Variants in TMEM244 observed in about 807,000 individuals in gnomAD.
TMEM244 encodes the protein putative transmembrane protein 244.
Under a neutral mutation model 15.8 loss-of-function variants are expected in TMEM244, and 13 were observed. That is an observed-to-expected ratio of 0.82 (90% confidence interval 0.53 to 1.30). TMEM244 has a LOEUF of 1.30. TMEM244 is among the 50% of genes most tolerant of loss of function. The probability of loss-of-function intolerance (pLI) is 0.00; values close to 1 mark genes in which losing one functional copy is unlikely to be tolerated. For missense variants in TMEM244, 161 were observed against 144.9 expected, an observed-to-expected ratio of 1.11 and a Z score of -0.57; for synonymous variants, 45 against 48.7, an observed-to-expected ratio of 0.92 and a Z score of 0.32.
At chr6:129,834,432 C>T (rs1776373938) in intron 3 of TMEM244, among the ~76,000 whole-genome samples, 1 of 151,926 alleles carries the variant, frequency 6.6e-6, no homozygotes, top group Non-Finnish European at 1.5e-5. Flanking sequence ...CCTCTTAAAA[C>T]ACAGAAAATA....
At chr6:129,853,995 A>C (rs1452588735) in intron 1 of TMEM244, among the ~76,000 whole-genome samples, 1 of 152,100 alleles carries the variant, frequency 6.6e-6, no homozygotes, top group Non-Finnish European at 1.5e-5. Flanking sequence ...TCAGCTCTTG[A>C]GTTTTTCTTG....
At chr6:129,855,111 T>A (rs1776687256) in intron 1 of TMEM244, among the ~76,000 whole-genome samples, 2 of 152,156 alleles carry the variant, frequency 1.3e-5, no homozygotes, top group African/African-American at 4.8e-5. Context: ...TCAGGCAGGA[T>A]TTCCACATGG....
At chr6:129,842,560 T>G (rs931433604) in intron 3 of TMEM244, among the ~76,000 whole-genome samples, 2 of 147,452 alleles carry the variant, frequency 1.4e-5, no homozygotes, top group African/African-American at 5.1e-5. Context: ...TTTGCATATT[T>G]GTACCCCAAA....
intron 4 of TMEM244, among the ~76,000 whole-genome samples, chr6:129,832,914 C>A (rs772097446): frequency 2.0e-5 from 3 of 152,028 alleles, no homozygotes; most frequent in Non-Finnish European, 4.4e-5. Flanking sequence ...CAGTTTCTGC[C>A]CTCAGGGAAG....
At chr6:129,855,189 T>G (rs1776688706) in intron 1 of TMEM244, among the ~76,000 whole-genome samples, 1 of 152,122 alleles carries the variant, frequency 6.6e-6, no homozygotes. Context: ...AACGAGCAAA[T>G]ATAATCTTTT....
At chr6:129,843,475 G>T in intron 3 of TMEM244, 55 bp downstream of exon 3, 2 of 1,214,002 alleles carry the variant, frequency 1.6e-6, no homozygotes, top group Non-Finnish European at 2.4e-6. Context: ...AAAATTTATG[G>T]GGTTAGTGGC....
chr6:129,849,713 A>G (rs907694102), intron 1 of TMEM244, among the ~76,000 whole-genome samples: 2 of 152,158 alleles, frequency 1.3e-5, no homozygotes, highest in African/African-American at 2.4e-5. Flanking sequence ...GCTGATGCTG[A>G]GTCAGCTGTA....
chr6:129,855,843 G>A (rs989978773), intron 1 of TMEM244, among the ~76,000 whole-genome samples: 14 of 151,886 alleles, frequency 9.2e-5, no homozygotes, highest in East Asian at 5.8e-4. Context: ...ACTGTTCATC[G>A]TTTGTAATTA....
At chr6:129,838,329 A>G (rs1776437610) in intron 3 of TMEM244, among the ~76,000 whole-genome samples, 1 of 152,252 alleles carries the variant, frequency 6.6e-6, no homozygotes, top group African/African-American at 2.4e-5. Context: ...CTGCTCCTGA[A>G]TGACTACTGG....
At chr6:129,843,900 A>G (rs1263472909) in intron 2 of TMEM244, among the ~76,000 whole-genome samples, 1 of 152,186 alleles carries the variant, frequency 6.6e-6, no homozygotes, top group African/African-American at 2.4e-5. Flanking sequence ...GTAACAAGGG[A>G]CAAGGCAACG....
intron 1 of TMEM244, among the ~76,000 whole-genome samples, chr6:129,860,712 G>C (rs1776796627): frequency 6.7e-6 from 1 of 148,926 alleles, no homozygotes; most frequent in Non-Finnish European, 1.5e-5. Flanking sequence ...AGCCTCGGGG[G>C]AAAAAGAAAC....
chr6:129,855,229 C>A (rs1228013144), intron 1 of TMEM244, among the ~76,000 whole-genome samples: 1 of 152,122 alleles, frequency 6.6e-6, no homozygotes, highest in East Asian at 1.9e-4. Flanking sequence ...AACACATACC[C>A]AAACTTCATA....
chr6:129,845,908 G>A, intron 1 of TMEM244, 56 bp from the exon 2 acceptor site: 5 of 1,185,114 alleles, frequency 4.2e-6, no homozygotes, highest in Non-Finnish European at 6.2e-6. Context: ...CATGGTCTTT[G>A]GTAACTATTT....
chr6:129,837,744 T>C (rs1290456558), intron 3 of TMEM244, among the ~76,000 whole-genome samples: 4 of 151,820 alleles, frequency 2.6e-5, no homozygotes, highest in East Asian at 3.9e-4. Flanking sequence ...ACCAAGCAAA[T>C]GGAAAGCAAA....
chr6:129,844,290 A>G (rs1776532779), intron 2 of TMEM244, among the ~76,000 whole-genome samples: 1 of 152,178 alleles, frequency 6.6e-6, no homozygotes, highest in Non-Finnish European at 1.5e-5. Context: ...ACTTAATTTT[A>G]TTTGATGTCT....
intron 3 of TMEM244, among the ~76,000 whole-genome samples, chr6:129,841,527 A>G (rs1013971620): frequency 1.3e-5 from 2 of 151,996 alleles, no homozygotes; most frequent in African/African-American, 4.8e-5. Flanking sequence ...TATTTAACAA[A>G]CCTGCACATT....
chr6:129,846,578 A>C (rs1293296454), intron 1 of TMEM244, among the ~76,000 whole-genome samples: 1 of 152,140 alleles, frequency 6.6e-6, no homozygotes, highest in Non-Finnish European at 1.5e-5. Context: ...CCCTCCATTC[A>C]CTGGAACAAA....
intron 3 of TMEM244, among the ~76,000 whole-genome samples, chr6:129,834,285 G>A (rs1344629798): frequency 6.6e-6 from 1 of 152,204 alleles, no homozygotes; most frequent in Admixed American, 6.5e-5. Context: ...TTTGCCTCTT[G>A]TCTTTGATAT....
chr6:129,857,843 C>T, intron 1 of TMEM244, among the ~76,000 whole-genome samples: 1 of 147,872 alleles, frequency 6.8e-6, no homozygotes, highest in African/African-American at 2.5e-5. Flanking sequence ...TATATATGTA[C>T]ATATATATGT....
Sources: gnomAD v4.1 joint callset for allele counts (sites outside exome capture counted in the v4.1 genomes callset) on GRCh38, gnomAD v4.1.1 for gene constraint, MANE v1.5 for transcripts, NCBI Gene and HGNC (gene_info 2026-07-23, HGNC 2026-07-21) for gene names.